Variants in GRIP2 observed in about 807,000 individuals in gnomAD.
The protein encoded by GRIP2 is glutamate receptor-interacting protein 2.
A neutral mutation model predicts 108.3 loss-of-function variants in GRIP2; 58 were observed. The ratio of observed to expected loss-of-function variants is 0.54; its 90% CI spans 0.43 to 0.67. The LOEUF is 0.67. GRIP2 is among the 30% of genes least tolerant of loss of function. GRIP2 has a pLI of 0.00. For synonymous variants in GRIP2, 586 were observed against 598.2 expected, an observed-to-expected ratio of 0.98 and a Z score of 0.30; for missense variants, 1,278 against 1,430.6, an observed-to-expected ratio of 0.89 and a Z score of 1.72.
chr3:14,542,047 T>C (rs762077311), upstream of GRIP2: 2 of 1,352,534 alleles, frequency 1.5e-6, no homozygotes, highest in South Asian at 2.4e-5. Context: ...ATTCCCTCCA[T>C]CTACAGCCTC....
At chr3:14,516,762 T>C (rs565452832) in intron 11 of GRIP2, among the ~76,000 whole-genome samples, 2 of 152,274 alleles carry the variant, frequency 1.3e-5, no homozygotes, top group Non-Finnish European at 1.5e-5. Flanking sequence ...TTCATGCACA[T>C]CTGAAAAGAC....
At chr3:14,585,270 C>G in the GRIP2 span, among the ~76,000 whole-genome samples, 5 of 152,250 alleles carry the variant, frequency 3.3e-5, no homozygotes, top group Non-Finnish European at 5.9e-5. Flanking sequence ...ATGCACCTGC[C>G]TCGGCCTCCC....
the GRIP2 span, among the ~76,000 whole-genome samples, chr3:14,589,102 T>A: frequency 1.5e-4 from 23 of 151,900 alleles, no homozygotes; most frequent in Admixed American, 7.9e-4. Context: ...AGTGGGAGCA[T>A]AAACTGGAAC....
chr3:14,581,001 CTA>C, the GRIP2 span, among the ~76,000 whole-genome samples: 37,760 of 151,902 alleles, frequency 0.25, 5,686 homozygotes, highest in South Asian at 0.35. Flanking sequence ...AGATTACTGA[CTA>C]CCAGCTCCAC....
intron 23 of GRIP2, among the ~76,000 whole-genome samples, 183 bp from the exon 24 acceptor site, chr3:14,494,009 G>A (rs1020587851): frequency 1.3e-5 from 2 of 152,174 alleles, no homozygotes; most frequent in African/African-American, 4.8e-5. Context: ...CTTCTGTTAG[G>A]TTTCATCAAA....
intron 1 of GRIP2, among the ~76,000 whole-genome samples, chr3:14,528,242 T>A (rs1455441830): frequency 6.6e-6 from 1 of 152,248 alleles, no homozygotes; most frequent in African/African-American, 2.4e-5. Context: ...ATCAGTAGTT[T>A]GCATCTTTTT....
At position 14,520,539 on chromosome 3, in the gene GRIP2, T is replaced by C; in HGVS notation, c.713-2A>G. On this transcript the variant is annotated splice_acceptor_variant, in intron 7 of 23. Transcript: ENST00000621039. LOFTEE classifies it high-confidence loss of function. The stretch of plus-strand genomic sequence containing the variant: ...GTCCCGAAGCATTAGCCACCGTGTC[T>C]GGCATGACGGAGAAAAAAAGTTTGA... The C allele has an allele frequency of 6.2e-7, 1 of 1,613,762 alleles. No individual in the cohort carries two copies. Among genetic ancestry groups the C allele is most frequent in the Non-Finnish European group, 8.5e-7 (1 of 1,179,750 alleles).
chr3:14,523,107 T>G, intron 5 of GRIP2, 32 bp from the exon 6 acceptor site: 2 of 1,535,656 alleles, frequency 1.3e-6, no homozygotes, highest in Non-Finnish European at 1.8e-6. Flanking sequence ...GCAGGAATCA[T>G]CCACCCACCC....
At chr3:14,546,120 C>G (rs1338006250), upstream of GRIP2, among the ~76,000 whole-genome samples, 1 of 152,160 alleles carries the variant, frequency 6.6e-6, no homozygotes, top group Non-Finnish European at 1.5e-5. Flanking sequence ...CTTCACACCC[C>G]GTAGGGACCT....
intron 12 of GRIP2, 72 bp downstream of exon 12, chr3:14,514,220 T>C (rs2124896698): frequency 7.5e-7 from 1 of 1,340,156 alleles, no homozygotes; most frequent in East Asian, 2.5e-5. Context: ...CTTGTGAAGC[T>C]AGGGCTTGGT....
chr3:14,494,057 C>T (rs978224273), intron 23 of GRIP2, among the ~76,000 whole-genome samples: 1 of 152,230 alleles, frequency 6.6e-6, no homozygotes, highest in South Asian at 2.1e-4. Context: ...ACCTTTCATA[C>T]CCCTCTAACT....
At chr3:14,543,492 C>T (rs1024471832), upstream of GRIP2, among the ~76,000 whole-genome samples, 2 of 152,236 alleles carry the variant, frequency 1.3e-5, no homozygotes, top group African/African-American at 4.8e-5. Context: ...TGGGAGGCGG[C>T]CTAGGAATGA....
intron 1 of GRIP2, among the ~76,000 whole-genome samples, chr3:14,548,435 A>G (rs1041165740): frequency 2.0e-5 from 3 of 152,124 alleles, no homozygotes; most frequent in Admixed American, 6.5e-5. Context: ...ACCTCCGCAC[A>G]CTGGAGTTGA....
At chr3:14,551,766 T>C (rs2124980105) in intron 1 of GRIP2, among the ~76,000 whole-genome samples, 1 of 152,264 alleles carries the variant, frequency 6.6e-6, no homozygotes, top group African/African-American at 2.4e-5. Context: ...GGTGAAATGT[T>C]TGGACTTGGA....
rs1467405693 is a variant in GRIP2 at position 14,491,475 on chromosome 3, G to C, written c.*2190C>G. 1 of 152,276 alleles carries C rather than the reference G, an allele frequency of 6.6e-6. No individual in the cohort carries two copies. Among genetic ancestry groups the C allele is most frequent in the Admixed American group, 6.5e-5 (1 of 15,290 alleles). The allele number at this position is 152,276 out of a possible 1,614,324, so 9.4% of individuals were successfully genotyped here. ...GCAGGCAGGGCGCTCACTGGGGAAA[G>C]GTGTCAGGAAATTTCAAGTCGGGGA... On this transcript the variant is annotated 3_prime_UTR_variant, in exon 24 of 24. Transcript: ENST00000621039.
Position 14,513,699 on chromosome 3 carries a change from G to C in GRIP2, c.1605C>G (p.His535Gln), listed in dbSNP as rs1330611790. 1 of 1,610,464 alleles carries C rather than the reference G, an allele frequency of 6.2e-7. No homozygotes were observed. The highest frequency in any genetic ancestry group is 1.3e-5 in the African/African-American group (1 of 74,858). The change falls in exon 13 of 24, where the codon CAC becomes CAG. Residue 535 changes from histidine (H) to glutamine (Q), a missense_variant. His to Gln is a conservative substitution (Grantham distance 24). Coordinates refer to ENST00000621039, the MANE Select transcript of GRIP2 (RefSeq NM_001080423.4). ...NQLLRDAALAHKVVLEVEFDV... is the reference protein window; with the variant it reads ...NQLLRDAALAQKVVLEVEFDV... The stretch of plus-strand genomic sequence containing the variant: ...CGAACTCCACCTCCAGCACGACCTT[G>C]TGGGCCAGTGCGGCGTCCCGCAGGA...
At chr3:14,594,526 G>A in the GRIP2 span, among the ~76,000 whole-genome samples, 13 of 152,352 alleles carry the variant, frequency 8.5e-5, no homozygotes, top group African/African-American at 2.9e-4. Flanking sequence ...CTGAGACTCA[G>A]TCTCTTGGGA....
chr3:14,509,800 C>A lies in GRIP2; in HGVS notation c.2078+20G>T. 6.9e-7 allele frequency: 1 copy of A among 1,440,090 alleles called. No individual in the cohort carries two copies. Among genetic ancestry groups the A allele is most frequent in the Non-Finnish European group, 9.2e-7 (1 of 1,086,492 alleles). The allele number at this position is 1,440,090 out of a possible 1,614,324, so 89.2% of individuals were successfully genotyped here. A position where few individuals can be genotyped will look rare whatever the true frequency, so the allele number is the denominator to read the frequency against. On this transcript the variant is annotated intron_variant, in intron 17 of 23. Coordinates refer to ENST00000621039, the MANE Select transcript of GRIP2 (RefSeq NM_001080423.4). ...GTGTTCCCTGAGCCCACCATGCGTC[C>A]CCACAGAGCCCCAGTTCACCTCTCA...
the GRIP2 span, among the ~76,000 whole-genome samples, chr3:14,580,172 A>ATTGTAAATGAG: frequency 2.0e-5 from 3 of 152,180 alleles, no homozygotes; most frequent in Non-Finnish European, 2.9e-5. Flanking sequence ...AGCAGGTGCT[A>ATTGTAAATGAG]AGCCAACACT....
Sources: allele counts gnomAD v4.1 joint callset (sites outside exome capture counted in the v4.1 genomes callset), GRCh38; gene constraint gnomAD v4.1.1; transcripts MANE v1.5; gene names NCBI Gene and HGNC (gene_info 2026-07-23, HGNC 2026-07-21).